Variants in HYCC1 observed in about 807,000 individuals in gnomAD.
HYCC1 encodes the protein hyccin PI4KA lipid kinase complex subunit 1.
chr7:22,998,607 T>G, the HYCC1 span, among the ~76,000 whole-genome samples: 962 of 152,294 alleles, frequency 6.3e-3, 13 homozygotes, highest in African/African-American at 0.022. Flanking sequence ...ATTTATTGAA[T>G]AGAAGAATAA....
the HYCC1 span, among the ~76,000 whole-genome samples, chr7:22,987,309 A>T: frequency 0.35 from 53,141 of 152,158 alleles, 9,346 homozygotes; most frequent in East Asian, 0.47. Context: ...CACATTTGGG[A>T]GGCCAAGGCA....
the HYCC1 span, among the ~76,000 whole-genome samples, chr7:22,987,878 T>C: frequency 0.19 from 29,230 of 152,076 alleles, 3,393 homozygotes; most frequent in Non-Finnish European, 0.26. Context: ...ATTAGCATCA[T>C]GGTTATTAAA....
At chr7:22,946,859 T>TA in the HYCC1 span, 1 of 956,962 alleles carries the variant, frequency 1.0e-6, no homozygotes, top group Non-Finnish European at 1.5e-6. Flanking sequence ...ATGTGGTGCA[T>TA]AATTCATGCA....
At chr7:22,897,056 G>A in the HYCC1 span, among the ~76,000 whole-genome samples, 9 of 152,188 alleles carry the variant, frequency 5.9e-5, no homozygotes, top group African/African-American at 1.2e-4. Context: ...ACTTTGGATG[G>A]AGCCACCAGG....
chr7:22,923,791 T>C, the HYCC1 span, among the ~76,000 whole-genome samples: 1 of 151,948 alleles, frequency 6.6e-6, no homozygotes, highest in Admixed American at 6.6e-5. Flanking sequence ...AACAACTGTA[T>C]GCCAACACAT....
At chr7:22,929,505 A>T in the HYCC1 span, among the ~76,000 whole-genome samples, 4 of 152,184 alleles carry the variant, frequency 2.6e-5, no homozygotes, top group Admixed American at 2.6e-4. Flanking sequence ...AGAAAAAAAC[A>T]AACAACCGCA....
the HYCC1 span, chr7:22,943,557 C>A: frequency 6.6e-6 from 1 of 152,262 alleles, no homozygotes; most frequent in East Asian, 1.9e-4. Flanking sequence ...AAAATCTGAT[C>A]TCTCAGCTCT....
At chr7:22,923,096 C>T in the HYCC1 span, among the ~76,000 whole-genome samples, 2 of 152,144 alleles carry the variant, frequency 1.3e-5, no homozygotes, top group Non-Finnish European at 2.9e-5. Flanking sequence ...CTTCACCCAA[C>T]AACAACAAAA....
chr7:22,994,258 A>T, the HYCC1 span, among the ~76,000 whole-genome samples: 1 of 152,248 alleles, frequency 6.6e-6, no homozygotes, highest in South Asian at 2.1e-4. Context: ...ACAACAAAAT[A>T]TAACTTTTAA....
the HYCC1 span, chr7:22,991,190 T>G: frequency 3.3e-6 from 4 of 1,214,546 alleles, no homozygotes; most frequent in East Asian, 2.4e-5. Context: ...TTTTATTTAG[T>G]CAGATTACTA....
chr7:22,938,394 TA>T, the HYCC1 span: 1 of 152,216 alleles, frequency 6.6e-6, no homozygotes, highest in East Asian at 1.9e-4. Context: ...CATTTGAGCA[TA>T]GATCCCAAAG....
the HYCC1 span, among the ~76,000 whole-genome samples, chr7:22,932,570 T>A: frequency 6.6e-6 from 1 of 152,142 alleles, no homozygotes; most frequent in East Asian, 1.9e-4. Flanking sequence ...AGATGAGAAA[T>A]TTTCCCCAGG....
the HYCC1 span, among the ~76,000 whole-genome samples, chr7:22,929,992 C>T: frequency 6.6e-6 from 1 of 151,938 alleles, no homozygotes; most frequent in Non-Finnish European, 1.5e-5. Context: ...TACATATACA[C>T]CATGGAATAC....
chr7:23,013,697 C>T, the HYCC1 span, among the ~76,000 whole-genome samples: 1 of 151,850 alleles, frequency 6.6e-6, no homozygotes. Flanking sequence ...CGAGCAGCGC[C>T]GGCCGCAGCC....
the HYCC1 span, chr7:22,943,344 T>C: frequency 6.6e-6 from 1 of 152,164 alleles, no homozygotes; most frequent in African/African-American, 2.4e-5. Flanking sequence ...TTGTTTGCAC[T>C]CTGATACTTT....
chr7:22,960,397 C>T, the HYCC1 span: 3 of 1,612,692 alleles, frequency 1.9e-6, no homozygotes, highest in African/African-American at 2.7e-5. Flanking sequence ...GGCAATGAAG[C>T]CTTTATTGCA....
the HYCC1 span, chr7:22,934,234 T>TTTTTTTTTTTTTTTTTTC: frequency 8.2e-6 from 1 of 122,436 alleles, no homozygotes; most frequent in Admixed American, 8.4e-5. Flanking sequence ...TTTTTTTTTT[T>TTTTTTTTTTTTTTTTTTC]CCCTCTCTGA....
At chr7:22,973,499 T>C in the HYCC1 span, among the ~76,000 whole-genome samples, 402 of 152,264 alleles carry the variant, frequency 2.6e-3, 1 homozygote, top group Non-Finnish European at 4.7e-3. Flanking sequence ...TTTGATAGAG[T>C]TCCTCTAATA....
the HYCC1 span, among the ~76,000 whole-genome samples, chr7:22,986,585 C>T: frequency 2.0e-5 from 3 of 152,194 alleles, no homozygotes; most frequent in East Asian, 1.9e-4. Flanking sequence ...CGATGGCTCA[C>T]GCCTGTAATC....
Sources: gnomAD v4.1 joint callset for allele counts (sites outside exome capture counted in the v4.1 genomes callset) on GRCh38, gnomAD v4.1.1 for gene constraint, MANE v1.5 for transcripts, NCBI Gene and HGNC (gene_info 2026-07-23, HGNC 2026-07-21) for gene names.